The following MTUS1 variants were observed in gnomAD, a reference collection of about 807,000 sequenced individuals.
MTUS1 encodes microtubule-associated tumor suppressor 1.
In MTUS1, 109 loss-of-function variants were observed where a neutral mutation model predicts 120.8. The observed-to-expected ratio is 0.90, with a 90% CI of 0.77 to 1.06. MTUS1 has a LOEUF of 1.06. Ranked by LOEUF, MTUS1 falls within the 50% of genes least tolerant of loss-of-function variation. The pLI is 0.00. For missense variants in MTUS1, 2,210 were observed against 1,486.3 expected (o/e 1.49, Z -8.01); for synonymous variants, 737 against 550.5 (o/e 1.34, Z -4.74).
In MTUS1 at chr8:17,684,459, G is replaced by C. The variant is rs772507766; in HGVS notation, c.2707C>G (p.Leu903Val). The C allele has an allele frequency of 3.7e-6, 6 of 1,614,168 alleles. No individual in the cohort carries two copies. The Admixed American group carries it at 1.0e-4, about 27-fold the overall frequency. The change falls in exon 7 of 15, where the codon CTT becomes GTT. Residue 903 changes from leucine to valine, a missense_variant. Transcript: ENST00000693296. The stretch of plus-strand genomic sequence containing the variant: ...TTTGTTTTATATTGCGTCAATTCAA[G>C]TGTTTTCTCAGGGGGCAGCGCATCG... ...APDALPPEKT[L>V]ELTQYKTKCE...
intron 1 of MTUS1, among the ~76,000 whole-genome samples, chr8:17,772,802 T>G (rs1157245460): frequency 1.3e-5 from 2 of 152,074 alleles, no homozygotes; most frequent in African/African-American, 2.4e-5. Context: ...AACAATCACC[T>G]GTAATTCAGC....
chr8:17,760,353 G>C (rs953620878), intron 1 of MTUS1, among the ~76,000 whole-genome samples: 1 of 152,088 alleles, frequency 6.6e-6, no homozygotes, highest in Non-Finnish European at 1.5e-5. Context: ...CTACTTTGTA[G>C]ACAAGAGTAA....
chr8:17,770,399 C>T (rs1457544752), intron 1 of MTUS1: 1 of 152,116 alleles, frequency 6.6e-6, no homozygotes, highest in Non-Finnish European at 1.5e-5. Flanking sequence ...AATTTAAATG[C>T]CCCAAATCAA....
rs1468050919 is a variant in MTUS1 at position 17,717,202 on chromosome 8, C to G, written c.2450-1301G>C. On this transcript the variant is annotated intron_variant, in intron 4 of 14. Transcript: ENST00000693296. ...CCAAATAACATTCCTAATATTAGGT[C>G]AAATCAACACAGAGCTTTCCCTCCT... 4.6e-5 allele frequency among the ~76,000 whole-genome samples: 7 copies of G among 152,264 alleles called. No individual in the cohort carries two copies. In the East Asian group the frequency reaches 7.7e-4, roughly 17 times the overall value.
intron 6 of MTUS1, chr8:17,691,219 T>TA (rs1816879015): frequency 6.6e-6 from 1 of 152,240 alleles, no homozygotes; most frequent in African/African-American, 2.4e-5. Context: ...TTTAGTGTAG[T>TA]AAAACTCTAG....
intron 6 of MTUS1, among the ~76,000 whole-genome samples, chr8:17,689,027 C>G (rs1816416188): frequency 6.6e-6 from 1 of 152,070 alleles, no homozygotes; most frequent in Non-Finnish European, 1.5e-5. Flanking sequence ...CTGGCTAACA[C>G]AGTGAAACCC....
intron 8 of MTUS1, among the ~76,000 whole-genome samples, chr8:17,666,159 G>A (rs1810864384): frequency 7.0e-6 from 1 of 142,572 alleles, no homozygotes. Context: ...ACACATTTAG[G>A]AATAAAAGTG....
intron 6 of MTUS1, among the ~76,000 whole-genome samples, chr8:17,712,820 GA>G (rs371457482): frequency 0.035 from 5,169 of 147,740 alleles, 288 homozygotes; most frequent in African/African-American, 0.12. Context: ...GTGAAAGTGT[GA>G]AAAAAAAAAC....
chr8:17,680,281 T>C (rs1313298270), intron 7 of MTUS1, among the ~76,000 whole-genome samples: 2 of 151,792 alleles, frequency 1.3e-5, no homozygotes, highest in East Asian at 1.9e-4. Context: ...CTGGCCAACA[T>C]GGTGAAACCT....
intron 6 of MTUS1, among the ~76,000 whole-genome samples, chr8:17,712,132 G>A (rs1232583578): frequency 6.6e-6 from 1 of 152,182 alleles, no homozygotes; most frequent in Admixed American, 6.5e-5. Flanking sequence ...AACTGCTGTT[G>A]GAAAAATGAT....
At chr8:17,742,291 G>GTTTTT (rs1237059839) in intron 3 of MTUS1, among the ~76,000 whole-genome samples, 5 of 94,696 alleles carry the variant, frequency 5.3e-5, no homozygotes, top group Non-Finnish European at 7.7e-5. Flanking sequence ...TGTTGTTGTT[G>GTTTTT]TTTTTTTTTT....
chr8:17,766,760 G>C (rs890802184), intron 1 of MTUS1, among the ~76,000 whole-genome samples: 1 of 152,180 alleles, frequency 6.6e-6, no homozygotes, highest in Non-Finnish European at 1.5e-5. Context: ...TGATAGTGCA[G>C]AGTTAATGGA....
At chr8:17,658,247 G>A (rs549139267) in intron 8 of MTUS1, among the ~76,000 whole-genome samples, 1 of 152,282 alleles carries the variant, frequency 6.6e-6, no homozygotes, top group South Asian at 2.1e-4. Context: ...TGTTGGTCAG[G>A]CTGTTCTCTA....
At chr8:17,680,691 T>G (rs1814260900) in intron 7 of MTUS1, among the ~76,000 whole-genome samples, 1 of 152,140 alleles carries the variant, frequency 6.6e-6, no homozygotes, top group Non-Finnish European at 1.5e-5. Context: ...ATCAACTCTC[T>G]CTATAACTGA....
chr8:17,787,523 C>G (rs986624573), intron 1 of MTUS1, among the ~76,000 whole-genome samples: 2 of 152,202 alleles, frequency 1.3e-5, no homozygotes, highest in African/African-American at 4.8e-5. Flanking sequence ...TAGGTCTGCA[C>G]AGCTATGGAC....
At position 17,755,648 on chromosome 8, in the gene MTUS1, T is replaced by C. The variant is rs1238206220; in HGVS notation, c.160A>G (p.Met54Val). 5 of 1,614,086 alleles carry C rather than the reference T, an allele frequency of 3.1e-6. No homozygotes were observed. Among genetic ancestry groups the C allele is most frequent in the Non-Finnish European group, 4.2e-6 (5 of 1,180,030 alleles). ...VNWNSANPDD[M>V]VVDYETDPAV... ...GGGTCAGTTTCATAATCAACCACCA[T>C]GTCATCTGGGTTGGCAGAATTCCAG... The change falls in exon 2 of 15, where the codon ATG (methionine) becomes GTG (valine). Residue 54 changes from methionine to valine, a missense_variant. Transcript: ENST00000693296.
chr8:17,716,125 C>A (rs924681417), intron 4 of MTUS1, among the ~76,000 whole-genome samples: 2 of 152,162 alleles, frequency 1.3e-5, no homozygotes, highest in African/African-American at 4.8e-5. Context: ...GTTAGCCTGG[C>A]ACAGTCCAAG....
rs1821704044 is a variant in MTUS1, at chr8:17,713,340, A to G, written c.2585-88T>C. On this transcript the variant is annotated intron_variant, in intron 5 of 14. Transcript: ENST00000693296. ...ACCATGTTGATAAGAATTATTTTCA[A>G]AAACAATCAATCGCTACATTTCAGG... The G allele has an allele frequency of 5.8e-6, 5 of 861,978 alleles. No homozygotes were observed. The South Asian group carries it at 6.2e-5, about 11-fold the overall frequency. The allele number at this position is 861,978 out of a possible 1,614,324, so 53.4% of individuals were successfully genotyped here.
At chr8:17,687,850 G>C (rs1453933150) in intron 6 of MTUS1, among the ~76,000 whole-genome samples, 1 of 152,184 alleles carries the variant, frequency 6.6e-6, no homozygotes, top group Non-Finnish European at 1.5e-5. Flanking sequence ...GTGCAATGAA[G>C]TCATGTATCA....
Sources: allele counts gnomAD v4.1 joint callset (sites outside exome capture counted in the v4.1 genomes callset), GRCh38; gene constraint gnomAD v4.1.1; transcripts MANE v1.5; gene names NCBI Gene and HGNC (gene_info 2026-07-23, HGNC 2026-07-21).